TMCO6: variants seen among roughly 807,000 people sequenced by gnomAD.
TMCO6 encodes transmembrane and coiled-coil domains 6, also known as transmembrane and coiled-coil domain-containing protein 6.
A neutral mutation model predicts 61.8 loss-of-function variants in TMCO6; 47 were observed. The observed-to-expected ratio is 0.76, with a 90% CI of 0.60 to 0.97. The LOEUF is 0.97. Among genes scored for constraint, TMCO6 ranks in the 50% least tolerant of loss-of-function variants. TMCO6 has a pLI of 0.00. For synonymous variants in TMCO6, 261 were observed against 254.2 expected, an observed-to-expected ratio of 1.03 and a Z score of -0.25; for missense variants, 557 against 601.6, an observed-to-expected ratio of 0.93 and a Z score of 0.78.
At chr5:140,623,700 A>C in the TMCO6 span, among the ~76,000 whole-genome samples, 1 of 152,154 alleles carries the variant, frequency 6.6e-6, no homozygotes, top group African/African-American at 2.4e-5. Context: ...CCCTGAGCCC[A>C]CCTTTTTTCT....
the TMCO6 span, among the ~76,000 whole-genome samples, chr5:140,612,128 T>G: frequency 6.6e-6 from 1 of 152,126 alleles, no homozygotes; most frequent in Non-Finnish European, 1.5e-5. Flanking sequence ...GAAACTGATT[T>G]GAGATCAGAA....
the TMCO6 span, among the ~76,000 whole-genome samples, chr5:140,602,926 T>C: frequency 6.6e-6 from 1 of 152,030 alleles, no homozygotes; most frequent in Non-Finnish European, 1.5e-5. Flanking sequence ...CCTGGCCACA[T>C]GGTGAAACCC....
At chr5:140,630,471 T>C in the TMCO6 span, among the ~76,000 whole-genome samples, 1 of 152,204 alleles carries the variant, frequency 6.6e-6, no homozygotes, top group Non-Finnish European at 1.5e-5. Flanking sequence ...ATCTTTTATG[T>C]GTTCCCCCGA....
chr5:140,644,179 C>T lies in TMCO6; in HGVS notation c.1185C>T (p.Asn395=), dbSNP rs151068111. 3.8e-5 allele frequency: 62 copies of T among 1,614,114 alleles called. No individual in the cohort carries two copies. Among genetic ancestry groups the T allele is most frequent in the African/African-American group, 2.8e-4 (21 of 75,024 alleles). ...EPLLQLLPVS[N]VVSVMVLTVL... is the part of the protein sequence containing the mutation. Reference sequence around the variant, plus strand: ...TCTTACAGCTGTTGCCAGTATCTAACGTGGTGAGCGTAATGGTATGTATTG... The same window carrying T: ...TCTTACAGCTGTTGCCAGTATCTAATGTGGTGAGCGTAATGGTATGTATTG... Residue 395 remains asparagine (N), a synonymous_variant, in exon 10 of 12, where the codon AAC becomes AAT. Coordinates refer to ENST00000394671, the MANE Select transcript of TMCO6 (RefSeq NM_018502.5).
chr5:140,598,370 C>G, the TMCO6 span, among the ~76,000 whole-genome samples: 45,395 of 151,816 alleles, frequency 0.3, 6,989 homozygotes, highest in African/African-American at 0.31. Flanking sequence ...CACCCTCACT[C>G]ACCTCATTTT....
chr5:140,624,350 T>C, the TMCO6 span, among the ~76,000 whole-genome samples: 12 of 150,522 alleles, frequency 8.0e-5, no homozygotes, highest in Non-Finnish European at 1.6e-4. Flanking sequence ...GGTAACAGAG[T>C]GAGACTCCAT....
At chr5:140,647,340 C>T (rs746760218), downstream of TMCO6, 1 of 1,608,134 alleles carries the variant, frequency 6.2e-7, no homozygotes, top group Non-Finnish European at 8.5e-7. Context: ...TTCAGCTCCA[C>T]GTAGCGTTTC....
chr5:140,647,732 C>T (rs751600651), downstream of TMCO6: 2 of 1,324,898 alleles, frequency 1.5e-6, no homozygotes, highest in Non-Finnish European at 2.1e-6. Flanking sequence ...TGTAGGACCG[C>T]TGCGAGGTCA....
At chr5:140,641,643 CT>C (rs781495931) in intron 2 of TMCO6, 21 bp from the exon 3 acceptor site, 2 of 1,609,100 alleles carry the variant, frequency 1.2e-6, no homozygotes, top group Admixed American at 3.3e-5. Flanking sequence ...GTGTGTTCTC[CT>C]TTCCCTGCCC....
upstream of TMCO6, among the ~76,000 whole-genome samples, chr5:140,638,566 T>TTTC (rs1491573629): frequency 1.2e-4 from 6 of 51,970 alleles, no homozygotes; most frequent in South Asian, 5.6e-4. Context: ...TCTTTCTTTC[T>TTTC]TTTTTTTTTT....
At chr5:140,628,739 C>A in the TMCO6 span, among the ~76,000 whole-genome samples, 3 of 152,210 alleles carry the variant, frequency 2.0e-5, no homozygotes, top group Non-Finnish European at 2.9e-5. Context: ...CATGCCCAGC[C>A]ATTTTATGGC....
intron 2 of TMCO6, among the ~76,000 whole-genome samples, chr5:140,640,270 A>T (rs1490897968): frequency 2.0e-5 from 3 of 152,048 alleles, no homozygotes; most frequent in Non-Finnish European, 1.5e-5. Flanking sequence ...AAATTTTATC[A>T]GTTTTCTCAT....
chr5:140,599,911 T>G, the TMCO6 span, among the ~76,000 whole-genome samples: 3 of 145,224 alleles, frequency 2.1e-5, no homozygotes, highest in Non-Finnish European at 4.5e-5. Flanking sequence ...CCATCTCAAA[T>G]AAAATATAAA....
the TMCO6 span, among the ~76,000 whole-genome samples, chr5:140,620,846 A>G: frequency 1.3e-5 from 2 of 152,100 alleles, no homozygotes; most frequent in South Asian, 2.1e-4. Context: ...CCTTGCCTCT[A>G]CAAAAAAATT....
upstream of TMCO6, among the ~76,000 whole-genome samples, chr5:140,637,503 G>C (rs1756796623): frequency 6.6e-6 from 1 of 152,010 alleles, no homozygotes; most frequent in Non-Finnish European, 1.5e-5. Context: ...AAATTCTAAG[G>C]CCGCCCCCCA....
Position 140,644,279 on chromosome 5 carries a change from T to C in TMCO6, c.1200+85T>C. ...CCTGAGCCCTCAGATGTACCCTTAG[T>C]TGAGAGCCAGCAGGTGGTGGTGTGT... On this transcript the variant is annotated intron_variant, in intron 10 of 11. Coordinates refer to ENST00000394671, the MANE Select transcript of TMCO6 (RefSeq NM_018502.5). 9 of 1,434,532 alleles carry C rather than the reference T, an allele frequency of 6.3e-6. No homozygotes were observed. In the South Asian group the frequency reaches 9.2e-5, roughly 15 times the overall value. The allele number at this position is 1,434,532 out of a possible 1,614,324, so 88.9% of individuals were successfully genotyped here. A position where few individuals can be genotyped will look rare whatever the true frequency, so the allele number is the denominator to read the frequency against.
At chr5:140,615,069 G>A in the TMCO6 span, among the ~76,000 whole-genome samples, 2 of 152,136 alleles carry the variant, frequency 1.3e-5, no homozygotes, top group African/African-American at 4.8e-5. Flanking sequence ...ATTCCAAAAA[G>A]CCTGTTATAA....
At chr5:140,644,011 G>A in intron 9 of TMCO6, 45 bp downstream of exon 9, 1 of 1,613,634 alleles carries the variant, frequency 6.2e-7, no homozygotes, top group Non-Finnish European at 8.5e-7. Flanking sequence ...GGATAATGGG[G>A]ATATTTCCTC....
the TMCO6 span, among the ~76,000 whole-genome samples, chr5:140,628,157 C>A: frequency 6.8e-6 from 1 of 147,790 alleles, no homozygotes; most frequent in Non-Finnish European, 1.5e-5. Flanking sequence ...TAGAGGCATG[C>A]GCCACCACAC....
Sources: gnomAD v4.1 joint callset for allele counts (sites outside exome capture counted in the v4.1 genomes callset) on GRCh38, gnomAD v4.1.1 for gene constraint, MANE v1.5 for transcripts, NCBI Gene and HGNC (gene_info 2026-07-23, HGNC 2026-07-21) for gene names.